The following CRPPA variants were observed in gnomAD, a reference collection of about 807,000 sequenced individuals.
The protein encoded by CRPPA is CDP-L-ribitol pyrophosphorylase A.
A neutral mutation model predicts 52.0 loss-of-function variants in CRPPA; 43 were observed. The observed-to-expected ratio is 0.83, with a 90% CI of 0.65 to 1.07. The LOEUF (loss-of-function observed/expected upper bound fraction) is 1.07. Ranked by LOEUF, CRPPA falls within the 50% of genes least tolerant of loss-of-function variation. The pLI is 0.00. For synonymous variants in CRPPA, 250 were observed against 203.5 expected, an observed-to-expected ratio of 1.23 and a Z score of -1.94; for missense variants, 629 against 551.7, an observed-to-expected ratio of 1.14 and a Z score of -1.40.
chr7:16,294,956 A>G (rs1256362300), intron 5 of CRPPA, among the ~76,000 whole-genome samples: 1 of 152,090 alleles, frequency 6.6e-6, no homozygotes, highest in African/African-American at 2.4e-5. Context: ...TTAAGTAAAA[A>G]AGTTAAAGGA....
At chr7:16,379,788 T>C (rs1219950953) in intron 2 of CRPPA, among the ~76,000 whole-genome samples, 1 of 152,216 alleles carries the variant, frequency 6.6e-6, no homozygotes, top group African/African-American at 2.4e-5. Context: ...TGGCTCTCTG[T>C]TTGTCTGTTA....
At chr7:16,160,958 C>G (rs963561922) in intron 9 of CRPPA, among the ~76,000 whole-genome samples, 15 of 152,176 alleles carry the variant, frequency 9.9e-5, no homozygotes, top group Admixed American at 9.8e-4. Flanking sequence ...TTTTGGCTCT[C>G]TATTTGTCTA....
chr7:16,401,249 A>G (rs1477385422), intron 2 of CRPPA, among the ~76,000 whole-genome samples: 1 of 152,168 alleles, frequency 6.6e-6, no homozygotes, highest in Non-Finnish European at 1.5e-5. Context: ...TACTTCAGCA[A>G]TCCCAAAGAT....
chr7:16,400,223 G>A (rs192561260), intron 2 of CRPPA, among the ~76,000 whole-genome samples: 51 of 102,168 alleles, frequency 5.0e-4, no homozygotes, highest in African/African-American at 1.5e-3. Context: ...TGTCCAACAC[G>A]TGGCTGACAC....
chr7:16,197,661 G>A (rs946001301), intron 9 of CRPPA, among the ~76,000 whole-genome samples: 1 of 151,250 alleles, frequency 6.6e-6, no homozygotes, highest in South Asian at 2.1e-4. Flanking sequence ...ATATAAAGTA[G>A]TAAGAACTGT....
chr7:16,345,547 C>G (rs139630732), intron 3 of CRPPA, among the ~76,000 whole-genome samples: 158 of 152,134 alleles, frequency 1.0e-3, no homozygotes, highest in African/African-American at 3.8e-3. Flanking sequence ...AAAAGGTAAA[C>G]AGTGTATAAA....
At chr7:16,166,499 C>T (rs867195149) in intron 9 of CRPPA, among the ~76,000 whole-genome samples, 2 of 152,068 alleles carry the variant, frequency 1.3e-5, no homozygotes, top group African/African-American at 2.4e-5. Context: ...AGGCTAGTCT[C>T]GAACTCCTGA....
intron 8 of CRPPA, among the ~76,000 whole-genome samples, chr7:16,254,539 G>C (rs1783561025): frequency 6.6e-6 from 1 of 151,950 alleles, no homozygotes; most frequent in Non-Finnish European, 1.5e-5. Flanking sequence ...ATTGAACAAT[G>C]AGAACACTTG....
chr7:16,220,541 A>C (rs1251313080), intron 8 of CRPPA, among the ~76,000 whole-genome samples: 4 of 107,646 alleles, frequency 3.7e-5, no homozygotes, highest in Non-Finnish European at 5.7e-5. Flanking sequence ...ATATCTAGAA[A>C]ACCCCATTGT....
intron 8 of CRPPA, among the ~76,000 whole-genome samples, chr7:16,223,344 A>T (rs941780066): frequency 5.3e-5 from 8 of 152,204 alleles, no homozygotes; most frequent in Non-Finnish European, 1.0e-4. Flanking sequence ...TACTTAAATT[A>T]CAGGAAAACT....
intron 1 of CRPPA, among the ~76,000 whole-genome samples, chr7:16,418,571 G>A (rs370663606): frequency 6.6e-6 from 1 of 152,138 alleles, no homozygotes; most frequent in Admixed American, 6.5e-5. Context: ...GGGAAAGGAA[G>A]GTGCCTTCTT....
chr7:16,253,974 G>A (rs1003977554), intron 8 of CRPPA, among the ~76,000 whole-genome samples: 2 of 152,096 alleles, frequency 1.3e-5, no homozygotes, highest in Admixed American at 1.3e-4. Context: ...GCAGCCAACA[G>A]ACACATGAAA....
At chr7:16,226,978 GC>G (rs2128401758) in intron 8 of CRPPA, among the ~76,000 whole-genome samples, 2 of 151,930 alleles carry the variant, frequency 1.3e-5, no homozygotes, top group South Asian at 4.1e-4. Flanking sequence ...TTCCACATGA[GC>G]AACATCATTC....
intron 8 of CRPPA, among the ~76,000 whole-genome samples, chr7:16,252,545 C>T (rs970727167): frequency 5.3e-5 from 8 of 152,094 alleles, no homozygotes; most frequent in African/African-American, 7.2e-5. Context: ...TTGTTCATCA[C>T]GGATATTGGT....
chr7:16,307,488 G>A (rs948046314), intron 4 of CRPPA, among the ~76,000 whole-genome samples: 9 of 151,522 alleles, frequency 5.9e-5, no homozygotes, highest in Non-Finnish European at 1.0e-4. Flanking sequence ...TCAAGACTAG[G>A]CTGGCCAACA....
At chr7:16,363,048 G>A (rs986586786) in intron 3 of CRPPA, among the ~76,000 whole-genome samples, 4 of 152,238 alleles carry the variant, frequency 2.6e-5, no homozygotes, top group Middle Eastern at 6.8e-3. Context: ...CAGGAAAAAA[G>A]AGAAAGCCTA....
At chr7:16,287,027 C>G (rs142543659) in intron 5 of CRPPA, among the ~76,000 whole-genome samples, 1 of 152,104 alleles carries the variant, frequency 6.6e-6, no homozygotes. Flanking sequence ...TTATTTAGTG[C>G]TCATGTCATA....
chr7:16,148,162 C>G (rs1783010049), intron 9 of CRPPA, among the ~76,000 whole-genome samples: 1 of 152,172 alleles, frequency 6.6e-6, no homozygotes, highest in East Asian at 1.9e-4. Flanking sequence ...TGTATACATA[C>G]TATACATATT....
chr7:16,330,296 A>G (rs751349317), intron 3 of CRPPA, among the ~76,000 whole-genome samples: 1 of 152,238 alleles, frequency 6.6e-6, no homozygotes. Context: ...CTCCAGAAGA[A>G]TATTTAAAAC....
Sources: gnomAD v4.1 joint callset for allele counts (sites outside exome capture counted in the v4.1 genomes callset) on GRCh38, gnomAD v4.1.1 for gene constraint, MANE v1.5 for transcripts, NCBI Gene and HGNC (gene_info 2026-07-23, HGNC 2026-07-21) for gene names.